CDK19: variants seen among roughly 807,000 people sequenced by gnomAD.
CDK19 encodes the protein cyclin dependent kinase 19.
CDK19 carries 20 observed loss-of-function variants against 68.3 expected under a neutral mutation model. The ratio of observed to expected loss-of-function variants is 0.29; its 90% confidence interval spans 0.21 to 0.43. The LOEUF (loss-of-function observed/expected upper bound fraction) is 0.43. CDK19 is among the 20% of genes least tolerant of loss of function. CDK19 has a pLI of 1.00. For missense variants in CDK19, 339 were observed against 623.5 expected, an observed-to-expected ratio of 0.54 and a Z score of 4.86; for synonymous variants, 221 against 222.8, an observed-to-expected ratio of 0.99 and a Z score of 0.07.
intron 2 of CDK19, among the ~76,000 whole-genome samples, chr6:110,739,586 G>T (rs1777498930): frequency 6.6e-6 from 1 of 151,728 alleles, no homozygotes; most frequent in African/African-American, 2.4e-5. Flanking sequence ...TCTCGATGTT[G>T]TTAGAAGTAC....
chr6:110,690,348 T>C (rs889131955), intron 2 of CDK19, among the ~76,000 whole-genome samples: 3 of 152,098 alleles, frequency 2.0e-5, no homozygotes, highest in African/African-American at 7.2e-5. Flanking sequence ...GGGTCAGAAG[T>C]GGGTCTAGGA....
At position 110,725,080 on chromosome 6, in the gene CDK19, T is replaced by C. The variant is rs368774360; in HGVS notation, c.204+21046A>G. Among the ~76,000 whole-genome samples the C allele has an allele frequency of 8.5e-5, 13 of 152,272 alleles. No individual in the cohort carries two copies. In the South Asian group the frequency reaches 2.7e-3, roughly 32 times the overall value. ...ATTTTTCACTATTATATCTCCAGCA[T>C]CTGGAATTTGTTGAATGAGCAAATA... is the stretch of plus-strand genomic sequence containing the variant. On this transcript the variant is annotated intron_variant, in intron 2 of 12. Coordinates refer to ENST00000368911, the MANE Select transcript of CDK19 (RefSeq NM_015076.5).
rs1418073765 is a variant in CDK19 at position 110,610,717 on chromosome 6, A to T, written c.*3818T>A. Reference sequence around the variant, plus strand: ...AACTGCCATTTCACTGCCTTTCTCTACTCCCTAGGAAGACATCATCATAGA... The same window carrying T: ...AACTGCCATTTCACTGCCTTTCTCTTCTCCCTAGGAAGACATCATCATAGA... On this transcript the variant is annotated 3_prime_UTR_variant, in exon 13 of 13. Transcript: ENST00000368911. 2 of 151,858 alleles carry T rather than the reference A, an allele frequency of 1.3e-5. No homozygotes were observed. Among genetic ancestry groups the T allele is most frequent in the Non-Finnish European group, 1.5e-5 (1 of 67,966 alleles). 9.4% of individuals were successfully genotyped at this position (151,858 alleles called of 1,614,324 possible).
At chr6:110,673,613 G>A (rs1284481613) in intron 2 of CDK19, among the ~76,000 whole-genome samples, 1 of 151,824 alleles carries the variant, frequency 6.6e-6, no homozygotes, top group African/African-American at 2.4e-5. Context: ...TGGTGGGTGA[G>A]GCAATCAGAA....
At chr6:110,784,303 C>T (rs1282568711) in intron 1 of CDK19, among the ~76,000 whole-genome samples, 1 of 151,630 alleles carries the variant, frequency 6.6e-6, no homozygotes, top group Non-Finnish European at 1.5e-5. Context: ...AAAATACAAC[C>T]CAATTTTAAA....
At chr6:110,762,996 G>T (rs538044550) in intron 1 of CDK19, among the ~76,000 whole-genome samples, 1 of 152,304 alleles carries the variant, frequency 6.6e-6, no homozygotes, top group South Asian at 2.1e-4. Context: ...GAGGTTTACA[G>T]TAAGAGTCTA....
chr6:110,807,145 T>TAA (rs761400244), intron 1 of CDK19, among the ~76,000 whole-genome samples: 4 of 125,310 alleles, frequency 3.2e-5, no homozygotes, highest in African/African-American at 5.9e-5. Flanking sequence ...ACAAATAATT[T>TAA]AAAAAAAAAA....
At chr6:110,617,662 T>TATATATATACACAC (rs755618032) in intron 12 of CDK19, among the ~76,000 whole-genome samples, 24 of 107,156 alleles carry the variant, frequency 2.2e-4, no homozygotes, top group African/African-American at 9.2e-4. Flanking sequence ...TATATATATA[T>TATATATATACACAC]ACACACACAC....
chr6:110,760,213 T>G (rs775268216), intron 1 of CDK19, among the ~76,000 whole-genome samples: 5 of 151,044 alleles, frequency 3.3e-5, no homozygotes, highest in African/African-American at 9.7e-5. Context: ...CTGGCCAACA[T>G]AGTGAAACTC....
intron 4 of CDK19, chr6:110,645,621 G>A (rs548432652): frequency 1.1e-5 from 3 of 263,882 alleles, no homozygotes; most frequent in South Asian, 9.1e-5. Context: ...TCGGTCCCTC[G>A]GGACTACAGG....
chr6:110,724,694 A>G (rs1333492632), intron 2 of CDK19, among the ~76,000 whole-genome samples: 1 of 152,238 alleles, frequency 6.6e-6, no homozygotes, highest in African/African-American at 2.4e-5. Flanking sequence ...GAAAAAACAT[A>G]GAAGACTTGG....
At chr6:110,746,401 ACAT>A (rs1778082179) in intron 1 of CDK19, among the ~76,000 whole-genome samples, 200 bp from the exon 2 acceptor site, 2 of 152,216 alleles carry the variant, frequency 1.3e-5, no homozygotes, top group Admixed American at 1.3e-4. Flanking sequence ...CACAATGAAA[ACAT>A]CAGACACAGC....
intron 1 of CDK19, among the ~76,000 whole-genome samples, chr6:110,789,103 C>T (rs1432253912): frequency 6.6e-6 from 1 of 152,084 alleles, no homozygotes; most frequent in Non-Finnish European, 1.5e-5. Context: ...GAGCTCACAG[C>T]AATAGCAAGA....
At chr6:110,797,897 A>C (rs187699215) in intron 1 of CDK19, among the ~76,000 whole-genome samples, 1 of 151,738 alleles carries the variant, frequency 6.6e-6, no homozygotes, top group Admixed American at 6.6e-5. Context: ...AGGCAGGAGA[A>C]TCACTTGAAC....
intron 1 of CDK19, among the ~76,000 whole-genome samples, chr6:110,794,706 T>C (rs1781827494): frequency 6.6e-6 from 1 of 151,906 alleles, no homozygotes; most frequent in Admixed American, 6.6e-5. Context: ...CCTGGCCTGA[T>C]ATTTTTTAAA....
chr6:110,745,882 C>T (rs1778041560), intron 2 of CDK19, among the ~76,000 whole-genome samples: 1 of 152,030 alleles, frequency 6.6e-6, no homozygotes, highest in Non-Finnish European at 1.5e-5. Flanking sequence ...GCAGGAAGAT[C>T]GCTTGAGCCT....
intron 12 of CDK19, among the ~76,000 whole-genome samples, chr6:110,616,015 C>T (rs1241155809): frequency 6.6e-6 from 1 of 152,030 alleles, no homozygotes; most frequent in Non-Finnish European, 1.5e-5. Flanking sequence ...CCCAACCAAG[C>T]AGCAGTAGTC....
At chr6:110,632,408 C>T (rs1042078137) in intron 5 of CDK19, among the ~76,000 whole-genome samples, 9 of 152,124 alleles carry the variant, frequency 5.9e-5, no homozygotes, top group African/African-American at 2.2e-4. Flanking sequence ...TATTATTGTG[C>T]CTGTTTTACT....
At chr6:110,644,360 G>A (rs995860256) in intron 4 of CDK19, among the ~76,000 whole-genome samples, 5 of 152,134 alleles carry the variant, frequency 3.3e-5, no homozygotes, top group African/African-American at 4.8e-5. Flanking sequence ...TACCAGAGGC[G>A]GGGAAGGGTA....
Sources: allele counts gnomAD v4.1 joint callset (sites outside exome capture counted in the v4.1 genomes callset), GRCh38; gene constraint gnomAD v4.1.1; transcripts MANE v1.5; gene names NCBI Gene and HGNC (gene_info 2026-07-23, HGNC 2026-07-21).